Variants in SATB1 observed in about 807,000 individuals in gnomAD.
The protein encoded by SATB1 is SATB homeobox 1, also known as DNA-binding protein SATB1.
Under a neutral mutation model 86.9 loss-of-function variants are expected in SATB1, and 11 were observed. The ratio of observed to expected loss-of-function variants is 0.13; its 90% CI spans 0.08 to 0.21. The LOEUF (loss-of-function observed/expected upper bound fraction) is 0.21, where lower values mean the gene tolerates loss of function less well. Ranked by LOEUF, SATB1 falls within the 10% of genes least tolerant of loss-of-function variation. The pLI, the probability that SATB1 is intolerant of heterozygous loss-of-function variation, is 1.00. For synonymous variants in SATB1, 357 were observed against 357.2 expected, an observed-to-expected ratio of 1.00 and a Z score of 0.01; for missense variants, 551 against 937.6, an observed-to-expected ratio of 0.59 and a Z score of 5.39.
intron 9 of SATB1, among the ~76,000 whole-genome samples, chr3:18,357,016 T>C (rs1170133466): frequency 1.3e-5 from 2 of 151,664 alleles, no homozygotes. Context: ...ATTTTAAAAC[T>C]AAGAGCTATA....
At chr3:18,390,507 T>C (rs1027424589) in intron 7 of SATB1, among the ~76,000 whole-genome samples, 1 of 152,194 alleles carries the variant, frequency 6.6e-6, no homozygotes, top group Non-Finnish European at 1.5e-5. Flanking sequence ...GTTGGGGTAA[T>C]AGCACCTTTT....
chr3:18,444,146 C>T lies in SATB1; in HGVS notation c.-25+1372G>A, dbSNP rs1699316927. Among the ~76,000 whole-genome samples, 1 of 152,106 alleles carries T rather than the reference C, an allele frequency of 6.6e-6. No homozygotes were observed. The highest frequency in any genetic ancestry group is 1.5e-5 in the Non-Finnish European group (1 of 68,034). On this transcript the variant is annotated intron_variant, in intron 1 of 3. Transcript: ENST00000415069. The surrounding 1 kb of genome is among the most constrained non-coding windows in gnomAD (Gnocchi z 5.1). The stretch of plus-strand genomic sequence containing the variant: ...TCCGGTGGGGGAACATTACCACTCC[C>T]GCAGCCCACTCCTCCAGGCACCTTA...
chr3:18,349,503 C>T lies in SATB1; in HGVS notation c.1959G>A (p.Val653=). The T allele has an allele frequency of 6.2e-7, 1 of 1,614,148 alleles. No homozygotes were observed. The highest frequency in any genetic ancestry group is 8.5e-7 in the Non-Finnish European group (1 of 1,180,018). The change falls in exon 11 of 11, where the codon GTG becomes GTA. Residue 653 remains valine (V), a synonymous_variant. Coordinates refer to ENST00000338745, the MANE Select transcript of SATB1 (RefSeq NM_002971.6). The surrounding 1 kb of genome is among the most constrained non-coding windows in gnomAD (Gnocchi z 5.5). ...QKTRPRTKIS[V]EALGILQSFI... Reference sequence around the variant, plus strand: ...AACTCTGGAGGATTCCCAAGGCTTCCACTGAAATTTTTGTTCGTGGCCGGG... The same window carrying T: ...AACTCTGGAGGATTCCCAAGGCTTCTACTGAAATTTTTGTTCGTGGCCGGG...
intron 9 of SATB1, among the ~76,000 whole-genome samples, chr3:18,368,965 T>C (rs1053682542): frequency 1.3e-5 from 2 of 152,092 alleles, no homozygotes; most frequent in Non-Finnish European, 2.9e-5. Flanking sequence ...CTTAAACAGT[T>C]ACCTACTGTG....
intron 9 of SATB1, among the ~76,000 whole-genome samples, chr3:18,357,152 CTCA>C (rs940727487): frequency 6.6e-6 from 1 of 151,784 alleles, no homozygotes. Context: ...CCCCCTCACC[CTCA>C]TCTTTTATGT....
rs1694408160 is a variant in SATB1 at position 18,352,350 on chromosome 3, A to C, written c.1576-155T>G. 2 of 628,514 alleles carry C rather than the reference A, an allele frequency of 3.2e-6. No individual in the cohort carries two copies. Among genetic ancestry groups the C allele is most frequent in the Non-Finnish European group, 5.5e-6 (2 of 365,432 alleles). 38.9% of individuals were successfully genotyped at this position (628,514 alleles called of 1,614,324 possible). ...AAAATTGTTTTTAACTTGTTAAGAGAGGTTATCTGTGGCTGTCAAGGAGGC... is the reference window on the plus strand; with the variant it reads ...AAAATTGTTTTTAACTTGTTAAGAGCGGTTATCTGTGGCTGTCAAGGAGGC... On this transcript the variant is annotated intron_variant, in intron 9 of 10. Coordinates refer to ENST00000338745, the MANE Select transcript of SATB1 (RefSeq NM_002971.6). The surrounding 1 kb of genome is among the most constrained non-coding windows in gnomAD (Gnocchi z 4.1).
upstream of SATB1, among the ~76,000 whole-genome samples, chr3:18,425,783 CG>C (rs1037678942): frequency 1.4e-4 from 20 of 141,750 alleles, no homozygotes; most frequent in South Asian, 3.4e-3. Flanking sequence ...GAGCGCGCGG[CG>C]CGCGGGCGGC....
At chr3:18,429,851 G>C (rs992756442), upstream of SATB1, among the ~76,000 whole-genome samples, 3 of 152,140 alleles carry the variant, frequency 2.0e-5, no homozygotes, top group Admixed American at 6.5e-5. This position sits in a 1 kb window ranked among gnomAD's most constrained non-coding sequence, Gnocchi z 4.1. Flanking sequence ...TGAGAGCAGA[G>C]ACTGGGTGTC....
chr3:18,410,922 C>A, intron 5 of SATB1: 1 of 391,062 alleles, frequency 2.6e-6, no homozygotes, highest in South Asian at 1.3e-4. Flanking sequence ...GTATTTAATT[C>A]CTACGGAAAT....
chr3:18,384,216 T>C lies in SATB1; in HGVS notation c.1419+2183A>G, dbSNP rs1575119918. Among the ~76,000 whole-genome samples the C allele has an allele frequency of 5.3e-5, 8 of 152,262 alleles. No individual in the cohort carries two copies. In the South Asian group the frequency reaches 1.7e-3, roughly 32 times the overall value. On this transcript the variant is annotated intron_variant, in intron 8 of 10. Coordinates refer to ENST00000338745, the MANE Select transcript of SATB1 (RefSeq NM_002971.6). ...AAAAATAAATTAAACATATATTCTA[T>C]CCCAACTTATCAGCAGATAAAGCCT...
At chr3:18,441,378 T>C (rs1258404115), upstream of SATB1, among the ~76,000 whole-genome samples, 1 of 152,136 alleles carries the variant, frequency 6.6e-6, no homozygotes, top group Admixed American at 6.5e-5. Context: ...ATTTATAACA[T>C]GAACAAAATT....
At chr3:18,385,687 A>C (rs1696307882) in intron 8 of SATB1, among the ~76,000 whole-genome samples, 1 of 152,138 alleles carries the variant, frequency 6.6e-6, no homozygotes, top group Non-Finnish European at 1.5e-5. Context: ...ACTAACTAGC[A>C]AACTTTTATC....
At chr3:18,433,694 T>C (rs1421899460) in intron 2 of SATB1, among the ~76,000 whole-genome samples, 1 of 152,106 alleles carries the variant, frequency 6.6e-6, no homozygotes, top group African/African-American at 2.4e-5. Context: ...CATATATTTA[T>C]TATGTGTAAA....
At chr3:18,391,132 T>C (rs528774039) in intron 7 of SATB1, among the ~76,000 whole-genome samples, 104 of 152,114 alleles carry the variant, frequency 6.8e-4, no homozygotes, top group African/African-American at 2.4e-3. Context: ...AAAAAACCCA[T>C]GTGCGAAAGT....
At position 18,352,404 on chromosome 3, in the gene SATB1, T is replaced by A. The variant is rs898301594; in HGVS notation, c.1576-209A>T. ...CTCTGTTTCTAATCAAAGTTCAGAT[T>A]TGCATCTCAAAGGAGGGACATATTT... On this transcript the variant is annotated intron_variant, in intron 9 of 10. Transcript: ENST00000338745. This position sits in a 1 kb window ranked among gnomAD's most constrained non-coding sequence, Gnocchi z 4.1. 5 of 535,546 alleles carry A rather than the reference T, an allele frequency of 9.3e-6. No individual in the cohort carries two copies. Among genetic ancestry groups the A allele is most frequent in the African/African-American group, 3.8e-5 (2 of 52,906 alleles). The allele number at this position is 535,546 out of a possible 1,614,324, so 33.2% of individuals were successfully genotyped here. A position where few individuals can be genotyped will look rare whatever the true frequency, so the allele number is the denominator to read the frequency against.
intron 2 of SATB1, among the ~76,000 whole-genome samples, chr3:18,420,247 A>G (rs1698314840): frequency 6.6e-6 from 1 of 152,234 alleles, no homozygotes; most frequent in Admixed American, 6.5e-5. Context: ...ATAAAAAACT[A>G]GAATCATCAG....
chr3:18,356,702 C>T (rs967707952), intron 9 of SATB1, among the ~76,000 whole-genome samples: 5 of 151,848 alleles, frequency 3.3e-5, no homozygotes, highest in African/African-American at 1.2e-4. Context: ...ATTTCCACTC[C>T]ACTCTTTTTA....
intron 9 of SATB1, among the ~76,000 whole-genome samples, chr3:18,358,005 A>G (rs1263292260): frequency 6.6e-6 from 1 of 152,006 alleles, no homozygotes; most frequent in Non-Finnish European, 1.5e-5. Context: ...CAATACTGAA[A>G]GCATTTTAAA....
At position 18,349,520 on chromosome 3, in the gene SATB1, G is replaced by A; in HGVS notation, c.1942C>T (p.Arg648Ter). 6.2e-7 allele frequency: 1 copy of A among 1,614,118 alleles called. No homozygotes were observed. ...DEENRQKTRP[R>*]TKISVEALGI... ...AAGGCTTCCACTGAAATTTTTGTTCGTGGCCGGGTCTTCTGTCGGTTTTCC... is the reference window on the plus strand; with the variant it reads ...AAGGCTTCCACTGAAATTTTTGTTCATGGCCGGGTCTTCTGTCGGTTTTCC... The change falls in exon 11 of 11, where the codon CGA (arginine) becomes TGA (stop). Residue 648 changes from arginine to a stop codon, truncating the protein, a stop_gained. Transcript: ENST00000338745. LOFTEE classifies it high-confidence loss of function. The surrounding 1 kb of genome is among the most constrained non-coding windows in gnomAD (Gnocchi z 5.5).
Sources: gnomAD v4.1 joint callset for allele counts (sites outside exome capture counted in the v4.1 genomes callset) on GRCh38, gnomAD v4.1.1 for gene constraint, Gnocchi (gnomAD v3.1) non-coding constraint, MANE v1.5 for transcripts, NCBI Gene and HGNC (gene_info 2026-07-23, HGNC 2026-07-21) for gene names.